ZNF462: variants seen among roughly 807,000 people sequenced by gnomAD.
ZNF462 encodes the protein zinc finger protein 462, also known as zinc finger PBX1-interacting protein.
In ZNF462, 10 loss-of-function variants were observed where a neutral mutation model predicts 201.9. The ratio of observed to expected loss-of-function variants is 0.05; its 90% CI spans 0.03 to 0.08. ZNF462 has a LOEUF of 0.08. Ranked by LOEUF, ZNF462 falls within the 10% of genes least tolerant of loss-of-function variation. The pLI, the probability that ZNF462 is intolerant of heterozygous loss-of-function variation, is 1.00. For synonymous variants in ZNF462, 1,227 were observed against 1,193.3 expected, an observed-to-expected ratio of 1.03 and a Z score of -0.58; for missense variants, 2,523 against 3,168.3, an observed-to-expected ratio of 0.80 and a Z score of 4.89.
chr9:106,862,358 T>C (rs1010900738), upstream of ZNF462, among the ~76,000 whole-genome samples: 2 of 151,994 alleles, frequency 1.3e-5, no homozygotes, highest in African/African-American at 4.8e-5. This position sits in a 1 kb window ranked among gnomAD's most constrained non-coding sequence, Gnocchi z 4.2. Flanking sequence ...AGGGCTGACG[T>C]TGGGAGCGCT....
intron 7 of ZNF462, among the ~76,000 whole-genome samples, chr9:106,949,669 C>A (rs1397275919): frequency 6.6e-6 from 1 of 152,146 alleles, no homozygotes; most frequent in Non-Finnish European, 1.5e-5. Context: ...GTTTAATGAT[C>A]CTTTTTCAAA....
intron 1 of ZNF462, among the ~76,000 whole-genome samples, chr9:106,889,976 A>G (rs1828504121): frequency 6.6e-6 from 1 of 152,252 alleles, no homozygotes; most frequent in South Asian, 2.1e-4. Flanking sequence ...AAGAAGCTAC[A>G]GTGGCATTGA....
intron 10 of ZNF462, among the ~76,000 whole-genome samples, chr9:106,985,136 A>C (rs1293095361): frequency 6.6e-6 from 1 of 152,206 alleles, no homozygotes. Flanking sequence ...TAAATGAGCC[A>C]ACATGACTAT....
Position 106,923,329 on chromosome 9 carries a change from T to C in ZNF462, c.-30-25T>C, listed in dbSNP as rs565964328. 28 of 1,558,838 alleles carry C rather than the reference T, an allele frequency of 1.8e-5. No homozygotes were observed. The African/African-American group carries it at 3.7e-4, about 20-fold the overall frequency. On this transcript the variant is annotated intron_variant, in intron 1 of 12. Transcript: ENST00000277225. The surrounding 1 kb of genome is among the most constrained non-coding windows in gnomAD (Gnocchi z 5.6). The stretch of plus-strand genomic sequence containing the variant: ...TATGTGATTAGTGCATTCCTTAAGA[T>C]GTTTTGTTCTGACTTCTGCCACAGG...
intron 1 of ZNF462, among the ~76,000 whole-genome samples, chr9:106,909,526 A>G (rs1375966612): frequency 3.3e-5 from 5 of 152,212 alleles, no homozygotes; most frequent in Non-Finnish European, 7.3e-5. Flanking sequence ...TATTTTGAAG[A>G]AAAGTTACTT....
chr9:106,927,910 G>T lies in ZNF462; in HGVS notation c.3998G>T (p.Arg1333Leu), dbSNP rs780679324. The T allele has an allele frequency of 1.2e-6, 2 of 1,614,026 alleles. No homozygotes were observed. The highest frequency in any genetic ancestry group is 1.7e-6 in the Non-Finnish European group (2 of 1,180,050). The change falls in exon 3 of 13, where the codon CGG becomes CTG. Residue 1333 changes from arginine to leucine, a missense_variant. Arg to Leu is a moderately radical substitution (Grantham distance 102). Around this residue, in one of 15 missense-constraint regions of ZNF462, gnomAD observed 222 missense variants for 271.6 expected, o/e 0.82. Transcript: ENST00000277225. ...EPNGLLLHYQRRHPEHYVDYT... is the reference protein window; with the variant it reads ...EPNGLLLHYQLRHPEHYVDYT... ...AACGGTTTGCTCCTGCATTACCAAC[G>T]GAGGCATCCAGAACACTATGTTGAT...
At chr9:106,965,297 C>T (rs1008610753) in intron 7 of ZNF462, among the ~76,000 whole-genome samples, 7 of 151,998 alleles carry the variant, frequency 4.6e-5, no homozygotes, top group South Asian at 2.1e-4. Context: ...TGGGCTGAGA[C>T]GAGACTGAAG....
intron 7 of ZNF462, among the ~76,000 whole-genome samples, chr9:106,946,638 C>T (rs1831116503): frequency 1.3e-5 from 2 of 151,992 alleles, no homozygotes; most frequent in South Asian, 4.2e-4. Flanking sequence ...AGGGTATGTC[C>T]TCGGAAAGAT....
At chr9:106,994,101 C>T (rs1216760471) in intron 10 of ZNF462, among the ~76,000 whole-genome samples, 3 of 152,048 alleles carry the variant, frequency 2.0e-5, no homozygotes, top group African/African-American at 7.2e-5. Context: ...TTGGTCCGCT[C>T]GTAAAATTGT....
At position 106,926,551 on chromosome 9, in the gene ZNF462, A is replaced by C; in HGVS notation, c.2639A>C (p.Asn880Thr). Residue 880 changes from asparagine (N) to threonine (T), a missense_variant, in exon 3 of 13, where the codon AAT becomes ACT. Physicochemically the swap from Asn to Thr is moderately conservative, Grantham distance 65 (BLOSUM62 0). Around this residue, in one of 15 missense-constraint regions of ZNF462, gnomAD observed 280 missense variants for 321.3 expected, o/e 0.87. Coordinates refer to ENST00000277225, the MANE Select transcript of ZNF462 (RefSeq NM_021224.6). The surrounding 1 kb of genome is among the most constrained non-coding windows in gnomAD (Gnocchi z 7.9). ...AGCTTTAGGTACATCTTGGACCCCA[A>C]TGATCACAGTGCAGTGTACAGGTGC... is the stretch of plus-strand genomic sequence containing the variant. Reference protein sequence around the residue: ...KFSFRYILDPNDHSAVYRCLE... With the variant: ...KFSFRYILDPTDHSAVYRCLE... 1.2e-6 allele frequency: 2 copies of C among 1,614,160 alleles called. No homozygotes were observed. The highest frequency in any genetic ancestry group is 1.7e-6 in the Non-Finnish European group (2 of 1,180,026).
intron 10 of ZNF462, among the ~76,000 whole-genome samples, chr9:107,000,642 T>G (rs192073038): frequency 6.6e-6 from 1 of 152,208 alleles, no homozygotes; most frequent in Non-Finnish European, 1.5e-5. Context: ...GCAAAGATTT[T>G]AGAAATCTTC....
At chr9:106,901,547 A>C (rs1829065658) in intron 1 of ZNF462, among the ~76,000 whole-genome samples, 1 of 152,176 alleles carries the variant, frequency 6.6e-6, no homozygotes, top group Admixed American at 6.5e-5. Context: ...CCCATCCATG[A>C]GCATGGGATG....
At chr9:106,897,689 G>A (rs1828868661) in intron 1 of ZNF462, among the ~76,000 whole-genome samples, 2 of 152,204 alleles carry the variant, frequency 1.3e-5, no homozygotes, top group Admixed American at 1.3e-4. Flanking sequence ...AATATAATAT[G>A]CACAAGGATA....
rs754633480 is a variant in ZNF462, at chr9:106,950,108, C to T, written c.6427+11001C>T. Among the ~76,000 whole-genome samples, 1 of 152,186 alleles carries T rather than the reference C, an allele frequency of 6.6e-6. No individual in the cohort carries two copies. The highest frequency in any genetic ancestry group is 6.5e-5 in the Admixed American group (1 of 15,282). The stretch of plus-strand genomic sequence containing the variant: ...CCAGACTCCAACCCTGAATAACCTT[C>T]ACTCCTGCCCTTCCTCTGATGTTAG... On this transcript the variant is annotated intron_variant, in intron 7 of 12. Coordinates refer to ENST00000277225, the MANE Select transcript of ZNF462 (RefSeq NM_021224.6). This position sits in a 1 kb window ranked among gnomAD's most constrained non-coding sequence, Gnocchi z 4.1.
At chr9:106,899,247 G>GA (rs1369126783) in intron 1 of ZNF462, among the ~76,000 whole-genome samples, 1 of 141,576 alleles carries the variant, frequency 7.1e-6, no homozygotes, top group Non-Finnish European at 1.6e-5. Flanking sequence ...TGTGGGGGGG[G>GA]GGGGGTGTGT....
rs1056198549 is a variant in ZNF462 at position 107,010,694 on chromosome 9, C to A, written c.7314-129C>A. On this transcript the variant is annotated intron_variant, in intron 12 of 12. Transcript: ENST00000277225. The surrounding 1 kb of genome is among the most constrained non-coding windows in gnomAD (Gnocchi z 4.6). The stretch of plus-strand genomic sequence containing the variant: ...TTGTCATACACCCATGGCATTTGTT[C>A]AAAGGAAACCCCAAGGCTTTTTGAG... The A allele has an allele frequency of 1.1e-6, 1 of 898,058 alleles. No homozygotes were observed. Among genetic ancestry groups the A allele is most frequent in the Non-Finnish European group, 1.6e-6 (1 of 612,858 alleles). 55.6% of individuals were successfully genotyped at this position (898,058 alleles called of 1,614,324 possible).
At chr9:106,874,722 C>T (rs1257083792) in intron 1 of ZNF462, among the ~76,000 whole-genome samples, 1 of 152,188 alleles carries the variant, frequency 6.6e-6, no homozygotes, top group Non-Finnish European at 1.5e-5. Flanking sequence ...ATTCCATCTT[C>T]TCCCGTGGCT....
intron 11 of ZNF462, among the ~76,000 whole-genome samples, chr9:107,007,143 T>C (rs1829607101): frequency 6.6e-6 from 1 of 152,192 alleles, no homozygotes; most frequent in Non-Finnish European, 1.5e-5. Context: ...GATATTATTA[T>C]GGCTTTTTAA....
chr9:106,877,296 ATTTT>A (rs397893311), intron 1 of ZNF462, among the ~76,000 whole-genome samples: 17 of 91,224 alleles, frequency 1.9e-4, no homozygotes, highest in Non-Finnish European at 2.7e-4. Flanking sequence ...ACTACTCATG[ATTTT>A]TTTTTTTTTT....
Sources: allele counts gnomAD v4.1 joint callset (sites outside exome capture counted in the v4.1 genomes callset), GRCh38; gene constraint gnomAD v4.1.1; regional missense constraint gnomAD v4.1.1; non-coding constraint Gnocchi (gnomAD v3.1); transcripts MANE v1.5; gene names NCBI Gene and HGNC (gene_info 2026-07-23, HGNC 2026-07-21).